The following GPR137B variants were observed in gnomAD, a reference collection of about 807,000 sequenced individuals.
The protein encoded by GPR137B is integral membrane protein GPR137B.
Under a neutral mutation model 42.5 loss-of-function variants are expected in GPR137B, and 42 were observed. The ratio of observed to expected loss-of-function variants is 0.99; its 90% CI spans 0.77 to 1.28. GPR137B has a LOEUF of 1.28. Among genes scored for constraint, GPR137B ranks in the 50% most tolerant of loss-of-function variants. The pLI, the probability that GPR137B is intolerant of heterozygous loss-of-function variation, is 0.00. For missense variants in GPR137B, 487 were observed against 493.9 expected (o/e 0.99, Z 0.13); for synonymous variants, 218 against 209.7 (o/e 1.04, Z -0.34).
At chr1:236,172,910 T>A (rs896934577) in intron 2 of GPR137B, among the ~76,000 whole-genome samples, 9 of 151,730 alleles carry the variant, frequency 5.9e-5, no homozygotes, top group African/African-American at 2.2e-4. Context: ...CAGGCTGGTC[T>A]TGAATTCCTG....
At chr1:236,144,860 G>A (rs1184947324) in intron 1 of GPR137B, among the ~76,000 whole-genome samples, 2 of 152,248 alleles carry the variant, frequency 1.3e-5, no homozygotes, top group African/African-American at 4.8e-5. Flanking sequence ...GCAGGGAACT[G>A]CCACAGCTCT....
chr1:236,166,376 A>G (rs887972458), intron 1 of GPR137B, among the ~76,000 whole-genome samples: 5 of 151,424 alleles, frequency 3.3e-5, no homozygotes, highest in African/African-American at 1.2e-4. Flanking sequence ...TGTCAGATAA[A>G]GTGGAACCAG....
chr1:236,143,362 G>T (rs767997858), intron 1 of GPR137B, among the ~76,000 whole-genome samples: 3 of 152,272 alleles, frequency 2.0e-5, no homozygotes, highest in Non-Finnish European at 2.9e-5. Context: ...GCCTGCACAC[G>T]CCAGTTAGTA....
chr1:236,170,848 T>C (rs1417026878), intron 2 of GPR137B, among the ~76,000 whole-genome samples: 2 of 151,670 alleles, frequency 1.3e-5, no homozygotes, highest in Non-Finnish European at 2.9e-5. Flanking sequence ...TGGTTGCAGG[T>C]GCCTGTAATC....
chr1:236,162,374 G>T (rs572898490), intron 1 of GPR137B, among the ~76,000 whole-genome samples: 1 of 152,178 alleles, frequency 6.6e-6, no homozygotes, highest in Admixed American at 6.5e-5. Flanking sequence ...CAGAAAATTT[G>T]CAGCCTGACT....
chr1:236,199,799 A>C (rs775095407), intron 5 of GPR137B, among the ~76,000 whole-genome samples: 24 of 152,140 alleles, frequency 1.6e-4, no homozygotes, highest in Non-Finnish European at 2.8e-4. Context: ...CTTTTCAAAG[A>C]ATCAGCTTTT....
intron 1 of GPR137B, among the ~76,000 whole-genome samples, chr1:236,167,398 A>G (rs1299572793): frequency 6.6e-6 from 1 of 152,204 alleles, no homozygotes; most frequent in Admixed American, 6.5e-5. Context: ...CGCTAAGTGA[A>G]ATAAGCCAGT....
At chr1:236,159,480 A>G (rs921731230) in intron 1 of GPR137B, among the ~76,000 whole-genome samples, 1 of 152,080 alleles carries the variant, frequency 6.6e-6, no homozygotes, top group African/African-American at 2.4e-5. Flanking sequence ...CCTGATCAAC[A>G]TTGTGAAACC....
rs1662159926 is a variant in GPR137B at position 236,160,570 on chromosome 1, C to T, written c.415-8136C>T. ...GTCCACAAGCATGCTCAGGTCTCCC[C>T]ATCTTAAAAACAAGGTCTGGACCCC... is the stretch of plus-strand genomic sequence containing the variant. On this transcript the variant is annotated intron_variant, in intron 1 of 6. Coordinates refer to ENST00000366592, the MANE Select transcript of GPR137B (RefSeq NM_003272.4). 2.0e-5 allele frequency among the ~76,000 whole-genome samples: 3 copies of T among 152,192 alleles called. No individual in the cohort carries two copies. The South Asian group carries it at 6.2e-4, about 32-fold the overall frequency.
chr1:236,194,612 G>A (rs1009890995), intron 5 of GPR137B, among the ~76,000 whole-genome samples: 31 of 152,146 alleles, frequency 2.0e-4, no homozygotes, highest in African/African-American at 6.8e-4. Flanking sequence ...CTGATTTGGT[G>A]TACCATATAA....
rs1220266307 is a variant in GPR137B, at chr1:236,155,162, C to T, written c.414+12126C>T. On this transcript the variant is annotated intron_variant, in intron 1 of 6. Coordinates refer to ENST00000366592, the MANE Select transcript of GPR137B (RefSeq NM_003272.4). This position sits in a 1 kb window ranked among gnomAD's most constrained non-coding sequence, Gnocchi z 4.6. The stretch of plus-strand genomic sequence containing the variant: ...TCCACCCAGGCAGTGGGCAGGCGGG[C>T]AGGTCCGTGCGCTTCTGTGGCTGAA... 6.6e-6 allele frequency among the ~76,000 whole-genome samples: 1 copy of T among 152,216 alleles called. No individual in the cohort carries two copies. Among genetic ancestry groups the T allele is most frequent in the Non-Finnish European group, 1.5e-5 (1 of 68,034 alleles).
chr1:236,177,625 C>T (rs1035980183), intron 2 of GPR137B, among the ~76,000 whole-genome samples: 15 of 152,042 alleles, frequency 9.9e-5, no homozygotes, highest in Middle Eastern at 6.8e-3. Context: ...GGCGCGATCT[C>T]GGCTCACTGC....
At chr1:236,194,727 C>G (rs1663288706) in intron 5 of GPR137B, among the ~76,000 whole-genome samples, 1 of 152,150 alleles carries the variant, frequency 6.6e-6, no homozygotes, top group Non-Finnish European at 1.5e-5. Flanking sequence ...CCCAGGGCAG[C>G]TGTGATACTG....
intron 1 of GPR137B, among the ~76,000 whole-genome samples, chr1:236,161,684 C>T (rs1662207603): frequency 6.6e-6 from 1 of 152,162 alleles, no homozygotes; most frequent in Non-Finnish European, 1.5e-5. Flanking sequence ...CCATGCTATT[C>T]TTGTGATGGT....
chr1:236,199,331 A>G (rs1045042272), intron 5 of GPR137B, among the ~76,000 whole-genome samples: 9 of 152,136 alleles, frequency 5.9e-5, no homozygotes, highest in African/African-American at 1.9e-4. Flanking sequence ...TTTTACATCT[A>G]TGTTCATCAG....
At chr1:236,186,562 C>T (rs1364086451) in intron 5 of GPR137B, among the ~76,000 whole-genome samples, 1 of 149,502 alleles carries the variant, frequency 6.7e-6, no homozygotes, top group Non-Finnish European at 1.5e-5. Context: ...TGTTCAATTC[C>T]CACTTATGAG....
intron 5 of GPR137B, among the ~76,000 whole-genome samples, chr1:236,200,669 A>G (rs895011183): frequency 3.3e-5 from 5 of 151,936 alleles, no homozygotes; most frequent in Non-Finnish European, 7.4e-5. Flanking sequence ...ACTCCTGCTT[A>G]CTTTTTGTTT....
At chr1:236,180,815 A>G (rs916999448) in intron 4 of GPR137B, among the ~76,000 whole-genome samples, 6 of 151,804 alleles carry the variant, frequency 4.0e-5, no homozygotes, top group African/African-American at 1.2e-4. Flanking sequence ...ATGGGGTTTC[A>G]CCATGTTGGC....
chr1:236,151,167 T>C (rs1339583671), intron 1 of GPR137B, among the ~76,000 whole-genome samples: 2 of 152,082 alleles, frequency 1.3e-5, no homozygotes, highest in African/African-American at 4.8e-5. Flanking sequence ...GCCGGCCAGT[T>C]CTCTCAGTAC....
Sources: gnomAD v4.1 joint callset for allele counts (sites outside exome capture counted in the v4.1 genomes callset) on GRCh38, gnomAD v4.1.1 for gene constraint, Gnocchi (gnomAD v3.1) non-coding constraint, MANE v1.5 for transcripts, NCBI Gene and HGNC (gene_info 2026-07-23, HGNC 2026-07-21) for gene names.